The following PDE1A variants were observed in gnomAD, a reference collection of about 807,000 sequenced individuals.
PDE1A encodes the protein phosphodiesterase 1A, also known as dual specificity calcium/calmodulin-dependent 3',5'-cyclic nucleotide phosphodiesterase 1A.
Under a neutral mutation model 61.7 loss-of-function variants are expected in PDE1A, and 35 were observed. The ratio of observed to expected loss-of-function variants is 0.57; its 90% CI spans 0.43 to 0.75. The LOEUF (loss-of-function observed/expected upper bound fraction) is 0.75. Ranked by LOEUF, PDE1A falls within the 30% of genes least tolerant of loss-of-function variation. PDE1A has a pLI of 0.00. For synonymous variants in PDE1A, 232 were observed against 213.2 expected (o/e 1.09, Z -0.77); for missense variants, 597 against 630.6 (o/e 0.95, Z 0.57).
At chr2:182,575,916 CATA>C in the PDE1A span, among the ~76,000 whole-genome samples, 2 of 145,498 alleles carry the variant, frequency 1.4e-5, no homozygotes, top group East Asian at 4.0e-4. Context: ...TATATAGTAT[CATA>C]TTATTATACT....
At chr2:182,307,768 G>C (rs1429882243) in intron 1 of PDE1A, among the ~76,000 whole-genome samples, 1 of 152,110 alleles carries the variant, frequency 6.6e-6, no homozygotes, top group Non-Finnish European at 1.5e-5. Context: ...AGCTACCTGG[G>C]AAACTGAGGT....
chr2:182,259,320 C>T (rs946675599), intron 2 of PDE1A, among the ~76,000 whole-genome samples: 1 of 152,108 alleles, frequency 6.6e-6, no homozygotes, highest in African/African-American at 2.4e-5. Context: ...GACCAGTACC[C>T]GTTTTCATTT....
intron 10 of PDE1A, among the ~76,000 whole-genome samples, chr2:182,196,434 A>G (rs1043036978): frequency 1.3e-5 from 2 of 151,920 alleles, no homozygotes; most frequent in African/African-American, 4.8e-5. Context: ...TTTTTCCCAC[A>G]GTAATTTTTT....
At chr2:182,285,193 G>A (rs1694073980) in intron 1 of PDE1A, among the ~76,000 whole-genome samples, 1 of 152,038 alleles carries the variant, frequency 6.6e-6, no homozygotes, top group African/African-American at 2.4e-5. Context: ...CTATATCTAA[G>A]GATACTCCTT....
chr2:182,191,832 T>C (rs1685716196), intron 10 of PDE1A, among the ~76,000 whole-genome samples: 1 of 150,416 alleles, frequency 6.6e-6, no homozygotes, highest in African/African-American at 2.4e-5. Context: ...AAAGGCATTA[T>C]GATGATTTAC....
At chr2:182,650,279 T>G in the PDE1A span, among the ~76,000 whole-genome samples, 2 of 152,162 alleles carry the variant, frequency 1.3e-5, no homozygotes, top group African/African-American at 4.8e-5. Flanking sequence ...TAACTCAGAT[T>G]TTTAAAAACC....
At chr2:182,545,972 G>C in the PDE1A span, among the ~76,000 whole-genome samples, 2 of 152,210 alleles carry the variant, frequency 1.3e-5, no homozygotes, top group Non-Finnish European at 2.9e-5. Context: ...ATATAGAGAA[G>C]CAAGACGAAA....
intron 10 of PDE1A, among the ~76,000 whole-genome samples, chr2:182,190,187 G>T (rs1009926596): frequency 6.6e-6 from 1 of 152,184 alleles, no homozygotes; most frequent in Non-Finnish European, 1.5e-5. Context: ...AATCAGAATT[G>T]TTGAGGAAAA....
the PDE1A span, among the ~76,000 whole-genome samples, chr2:182,661,339 T>C: frequency 5.3e-5 from 8 of 152,212 alleles, no homozygotes; most frequent in African/African-American, 1.9e-4. Flanking sequence ...ACCTAATATA[T>C]GCCCATATAC....
chr2:182,383,623 C>T (rs900742426), intron 1 of PDE1A, among the ~76,000 whole-genome samples: 4 of 152,060 alleles, frequency 2.6e-5, no homozygotes, highest in Admixed American at 2.6e-4. Context: ...GAGTATGGCC[C>T]TCCAGTAGTT....
At chr2:182,428,712 C>T (rs949482733), upstream of PDE1A, among the ~76,000 whole-genome samples, 25 of 152,006 alleles carry the variant, frequency 1.6e-4, no homozygotes, top group Admixed American at 2.6e-4. Flanking sequence ...AGGGATTTTG[C>T]GTTTGTGGGT....
intron 13 of PDE1A, among the ~76,000 whole-genome samples, chr2:182,181,909 A>G (rs1684796374): frequency 6.6e-6 from 1 of 152,150 alleles, no homozygotes; most frequent in Admixed American, 6.6e-5. Flanking sequence ...CAGTTTGCTT[A>G]TTTTGTGCAA....
chr2:182,186,395 AAT>A, intron 12 of PDE1A, 71 bp downstream of exon 12: 2 of 1,516,340 alleles, frequency 1.3e-6, no homozygotes, highest in East Asian at 2.3e-5. Flanking sequence ...AGATGTGAGA[AAT>A]ATAATCATTA....
At chr2:182,435,276 T>A (rs2125652034) in intron 2 of PDE1A, among the ~76,000 whole-genome samples, 1 of 152,188 alleles carries the variant, frequency 6.6e-6, no homozygotes, top group South Asian at 2.1e-4. Flanking sequence ...TAGTAGGTAG[T>A]TAAAGGAACA....
At chr2:182,441,701 G>A (rs1684807461) in intron 2 of PDE1A, among the ~76,000 whole-genome samples, 1 of 151,964 alleles carries the variant, frequency 6.6e-6, no homozygotes, top group African/African-American at 2.4e-5. Context: ...GAGAGAAAGT[G>A]CAAGATAAAT....
At chr2:182,407,893 A>T (rs1472992037) in intron 1 of PDE1A, among the ~76,000 whole-genome samples, 2 of 152,190 alleles carry the variant, frequency 1.3e-5, no homozygotes, top group Non-Finnish European at 2.9e-5. Context: ...TGTATATGTT[A>T]TATATGTGTG....
rs573510787 is a variant in PDE1A, at chr2:182,522,454, TACAC to T, written c.-10-72_-10-69del. ...GCATTCCTCAGTCCATTACAAATCT[TACAC>T]ACTTATACAGTAGCCTCTCTTATCT... is the stretch of plus-strand genomic sequence containing the variant. On this transcript the variant is annotated intron_variant, in intron 1 of 14. Transcript: ENST00000410103. 2.4e-4 allele frequency: 389 copies of T among 1,595,870 alleles called. No individual in the cohort carries two copies. The African/African-American group carries it at 5.0e-3, about 20-fold the overall frequency.
chr2:182,329,758 T>C (rs562192428), intron 1 of PDE1A, among the ~76,000 whole-genome samples: 94 of 152,306 alleles, frequency 6.2e-4, no homozygotes, highest in African/African-American at 2.2e-3. Flanking sequence ...CAGGGACCAC[T>C]CCTACTTTCG....
the PDE1A span, among the ~76,000 whole-genome samples, chr2:182,581,660 A>G: frequency 6.6e-6 from 1 of 152,230 alleles, no homozygotes; most frequent in Admixed American, 6.5e-5. Flanking sequence ...GAACCAAGTT[A>G]GTATAGGACA....
Sources: gnomAD v4.1 joint callset for allele counts (sites outside exome capture counted in the v4.1 genomes callset) on GRCh38, gnomAD v4.1.1 for gene constraint, MANE v1.5 for transcripts, NCBI Gene and HGNC (gene_info 2026-07-23, HGNC 2026-07-21) for gene names.